MICU1: variants seen among roughly 807,000 people sequenced by gnomAD.
MICU1 encodes the protein mitochondrial calcium uptake 1.
A neutral mutation model predicts 56.8 loss-of-function variants in MICU1; 45 were observed. That is an observed-to-expected ratio of 0.79 (90% confidence interval 0.62 to 1.02). The LOEUF is 1.02. Ranked by LOEUF, MICU1 falls within the 50% of genes least tolerant of loss-of-function variation. The pLI, the probability that MICU1 is intolerant of heterozygous loss-of-function variation, is 0.00. For missense variants in MICU1, 504 were observed against 587.1 expected (o/e 0.86, Z 1.46); for synonymous variants, 186 against 195.1 (o/e 0.95, Z 0.39).
chr10:72,383,005 T>G (rs1360328546), intron 10 of MICU1, among the ~76,000 whole-genome samples: 2 of 152,224 alleles, frequency 1.3e-5, no homozygotes, highest in Non-Finnish European at 2.9e-5. Flanking sequence ...CAGTGGCTCA[T>G]GCTTATAATC....
At chr10:72,496,093 A>G (rs1270009648) in intron 6 of MICU1, among the ~76,000 whole-genome samples, 1 of 151,994 alleles carries the variant, frequency 6.6e-6, no homozygotes, top group East Asian at 1.9e-4. Flanking sequence ...CAGCCTCGCA[A>G]TTAGCTGGAA....
At chr10:72,524,329 G>A (rs977800005) in intron 5 of MICU1, among the ~76,000 whole-genome samples, 5 of 152,026 alleles carry the variant, frequency 3.3e-5, no homozygotes, top group Non-Finnish European at 7.4e-5. Flanking sequence ...TTGAACTCCC[G>A]GTTGCTCAAG....
At chr10:72,490,183 T>G (rs1449250084) in intron 6 of MICU1, among the ~76,000 whole-genome samples, 2 of 152,172 alleles carry the variant, frequency 1.3e-5, no homozygotes, top group Non-Finnish European at 2.9e-5. Flanking sequence ...ATATGCCTCC[T>G]CCCTCCATTA....
chr10:72,419,201 T>C lies in MICU1; in HGVS notation c.1071+4033A>G, dbSNP rs575797213. On this transcript the variant is annotated intron_variant, in intron 9 of 11. Transcript: ENST00000361114. ...GACCAACCTTTAAAAATAAGCATGG[T>C]CTAAATAAACGAGCATGTCTGAATG... 1.2e-4 allele frequency among the ~76,000 whole-genome samples: 19 copies of C among 152,242 alleles called. No homozygotes were observed. The South Asian group carries it at 3.7e-3, about 30-fold the overall frequency.
intron 5 of MICU1, among the ~76,000 whole-genome samples, chr10:72,531,024 CT>C (rs563043352): frequency 2.1e-4 from 32 of 152,052 alleles, no homozygotes; most frequent in Non-Finnish European, 4.0e-4. Flanking sequence ...GACAAAAAGG[CT>C]GAAGTTTAAT....
chr10:72,605,489 TTACTC>T (rs1381946838), intron 1 of MICU1, among the ~76,000 whole-genome samples: 2 of 152,238 alleles, frequency 1.3e-5, no homozygotes, highest in African/African-American at 4.8e-5. Flanking sequence ...CTTGCTCACT[TTACTC>T]TATGCTTGCT....
At chr10:72,438,106 C>T (rs1451601879) in intron 8 of MICU1, among the ~76,000 whole-genome samples, 1 of 152,178 alleles carries the variant, frequency 6.6e-6, no homozygotes, top group Non-Finnish European at 1.5e-5. Context: ...TTCTTCTCAG[C>T]ACCACATCAC....
intron 10 of MICU1, among the ~76,000 whole-genome samples, chr10:72,402,750 T>A (rs1863496794): frequency 6.6e-6 from 1 of 152,082 alleles, no homozygotes; most frequent in African/African-American, 2.4e-5. Flanking sequence ...CAGGAAATGA[T>A]AAAGGAAGTT....
At chr10:72,594,051 A>G (rs57462285) in intron 1 of MICU1, among the ~76,000 whole-genome samples, 8,092 of 152,304 alleles carry the variant, frequency 0.053, 734 homozygotes, top group African/African-American at 0.18. Context: ...GAGACTGAAT[A>G]GCCAAAATAA....
intron 1 of MICU1, among the ~76,000 whole-genome samples, chr10:72,572,442 A>G (rs1840633964): frequency 6.6e-6 from 1 of 152,100 alleles, no homozygotes; most frequent in Non-Finnish European, 1.5e-5. Flanking sequence ...AGATCCTTGC[A>G]TTTTTGACTC....
At chr10:72,441,752 G>T (rs951585213) in intron 8 of MICU1, among the ~76,000 whole-genome samples, 1 of 151,268 alleles carries the variant, frequency 6.6e-6, no homozygotes, top group Non-Finnish European at 1.5e-5. Flanking sequence ...AAGTAGCTGG[G>T]ACTACAGGCA....
intron 4 of MICU1, among the ~76,000 whole-genome samples, chr10:72,539,882 A>G (rs748955983): frequency 6.6e-6 from 1 of 152,238 alleles, no homozygotes; most frequent in African/African-American, 2.4e-5. Context: ...AAATTATTCT[A>G]TCAACTCTGG....
chr10:72,562,152 T>TTTG (rs1840314908), intron 3 of MICU1, among the ~76,000 whole-genome samples: 1 of 136,802 alleles, frequency 7.3e-6, no homozygotes, highest in African/African-American at 2.7e-5. Context: ...AAAATCTTTT[T>TTTG]TTTTTTTTTT....
intron 5 of MICU1, among the ~76,000 whole-genome samples, chr10:72,515,445 A>G (rs1306877834): frequency 6.6e-6 from 1 of 152,146 alleles, no homozygotes; most frequent in Non-Finnish European, 1.5e-5. Flanking sequence ...ATATTGTAGA[A>G]TATCTCTCAT....
chr10:72,431,418 T>C (rs1036649185), intron 8 of MICU1, among the ~76,000 whole-genome samples: 3 of 152,130 alleles, frequency 2.0e-5, no homozygotes, highest in African/African-American at 4.8e-5. Context: ...GTGTAAGCCA[T>C]CGTGCCCAGC....
intron 1 of MICU1, among the ~76,000 whole-genome samples, chr10:72,599,921 A>C (rs1841479825): frequency 6.6e-6 from 1 of 152,244 alleles, no homozygotes; most frequent in Admixed American, 6.5e-5. Context: ...CTTCATAAGA[A>C]GAAAAGAATC....
At chr10:72,592,325 G>GAA (rs928660186) in intron 1 of MICU1, among the ~76,000 whole-genome samples, 1 of 149,688 alleles carries the variant, frequency 6.7e-6, no homozygotes, top group African/African-American at 2.5e-5. Flanking sequence ...CTGTTTCAAG[G>GAA]AAAAAAAAAA....
chr10:72,460,258 C>A (rs1047403889), intron 8 of MICU1, among the ~76,000 whole-genome samples: 1 of 152,166 alleles, frequency 6.6e-6, no homozygotes, highest in African/African-American at 2.4e-5. Context: ...GCATTGGTTG[C>A]TCTATTTCCC....
intron 9 of MICU1, among the ~76,000 whole-genome samples, chr10:72,419,972 A>G (rs1864101467): frequency 6.6e-6 from 1 of 152,196 alleles, no homozygotes; most frequent in Non-Finnish European, 1.5e-5. Flanking sequence ...TGTTCTTTTG[A>G]TAGTAAGTCT....
Sources: gnomAD v4.1 joint callset for allele counts (sites outside exome capture counted in the v4.1 genomes callset) on GRCh38, gnomAD v4.1.1 for gene constraint, MANE v1.5 for transcripts, NCBI Gene and HGNC (gene_info 2026-07-23, HGNC 2026-07-21) for gene names.